The following TMTC2 variants were observed in gnomAD, a reference collection of about 807,000 sequenced individuals.
TMTC2 encodes protein O-mannosyl-transferase TMTC2.
In TMTC2, 43 loss-of-function variants were observed where a neutral mutation model predicts 82.4. The ratio of observed to expected loss-of-function variants is 0.52; its 90% CI spans 0.41 to 0.67. The LOEUF is 0.67. TMTC2 is among the 30% of genes least tolerant of loss of function. The pLI is 0.00. For synonymous variants in TMTC2, 408 were observed against 381.9 expected, an observed-to-expected ratio of 1.07 and a Z score of -0.80; for missense variants, 919 against 1,012.4, an observed-to-expected ratio of 0.91 and a Z score of 1.25.
At chr12:83,103,494 G>A (rs1229392639) in intron 11 of TMTC2, among the ~76,000 whole-genome samples, 1 of 152,126 alleles carries the variant, frequency 6.6e-6, no homozygotes, top group Non-Finnish European at 1.5e-5. Flanking sequence ...AGGAGAGAGT[G>A]AGAGTGAGGG....
At chr12:82,954,156 AGCCTGTTATTATT>A (rs1284977759) in intron 4 of TMTC2, among the ~76,000 whole-genome samples, 33 of 152,234 alleles carry the variant, frequency 2.2e-4, no homozygotes, top group African/African-American at 7.9e-4. Flanking sequence ...ATTTTCATGA[AGCCTGTTATTATT>A]GCTATTGTTA....
rs148026755 is a variant in TMTC2, at chr12:82,882,424, G to A, written c.655-13394G>A. 3.0e-3 allele frequency among the ~76,000 whole-genome samples: 463 copies of A among 152,286 alleles called. 4 individuals carry two copies. The highest frequency in any genetic ancestry group is 0.011 in the African/African-American group (442 of 41,574). On this transcript the variant is annotated intron_variant, in intron 2 of 11. Transcript: ENST00000321196. ...GTACCAAGAAAGATTTGGGATTAGA[G>A]TTGTTTTTTCTATAATTCTACTAAC...
chr12:82,890,297 C>A (rs1616906), intron 2 of TMTC2, among the ~76,000 whole-genome samples: 18,692 of 151,722 alleles, frequency 0.12, 2,350 homozygotes, highest in African/African-American at 0.32. Context: ...ATATTTAAGA[C>A]ATTTTTTCTC....
chr12:83,090,901 C>T (rs1316901871), intron 11 of TMTC2, among the ~76,000 whole-genome samples: 2 of 152,158 alleles, frequency 1.3e-5, no homozygotes, highest in Admixed American at 1.3e-4. Context: ...AGCCCGGGGC[C>T]TTAACATACT....
chr12:82,897,952 T>C (rs1208995725), intron 3 of TMTC2, among the ~76,000 whole-genome samples: 1 of 124,260 alleles, frequency 8.0e-6, no homozygotes, highest in African/African-American at 3.9e-5. Flanking sequence ...GAAAATGGCC[T>C]GCTAATAGGT....
chr12:83,003,546 A>G (rs1339668269), intron 8 of TMTC2, among the ~76,000 whole-genome samples: 1 of 152,166 alleles, frequency 6.6e-6, no homozygotes, highest in Non-Finnish European at 1.5e-5. Context: ...TTATGGCAAC[A>G]GGTATTGTTC....
chr12:82,815,004 A>T (rs950176260), intron 1 of TMTC2, among the ~76,000 whole-genome samples: 2 of 152,114 alleles, frequency 1.3e-5, no homozygotes, highest in Non-Finnish European at 2.9e-5. Context: ...GGTGTAAACC[A>T]TATGACATCA....
At chr12:83,030,933 A>T in intron 9 of TMTC2, 54 bp downstream of exon 9, 1 of 1,315,102 alleles carries the variant, frequency 7.6e-7, no homozygotes, top group Non-Finnish European at 1.1e-6. Flanking sequence ...ATTAATGTTG[A>T]TATGAGATCT....
intron 1 of TMTC2, among the ~76,000 whole-genome samples, chr12:82,765,708 A>G (rs572792815): frequency 6.8e-6 from 1 of 147,526 alleles, no homozygotes; most frequent in South Asian, 2.1e-4. Flanking sequence ...AAAACAAACA[A>G]ACAAACAAAA....
intron 7 of TMTC2, among the ~76,000 whole-genome samples, chr12:82,985,294 C>T (rs959989303): frequency 3.9e-5 from 6 of 152,070 alleles, no homozygotes; most frequent in Non-Finnish European, 7.4e-5. Context: ...TCAAGCTATC[C>T]GCCTGCCTTG....
At chr12:83,013,708 C>T (rs1229630966) in intron 8 of TMTC2, among the ~76,000 whole-genome samples, 1 of 152,280 alleles carries the variant, frequency 6.6e-6, no homozygotes, top group Non-Finnish European at 1.5e-5. Flanking sequence ...AATTTTGCTT[C>T]TGTGAAATAG....
At chr12:83,112,268 C>T (rs939420545) in intron 11 of TMTC2, among the ~76,000 whole-genome samples, 1 of 152,160 alleles carries the variant, frequency 6.6e-6, no homozygotes, top group Non-Finnish European at 1.5e-5. Flanking sequence ...TCCCCTCCCT[C>T]GTGGACAGGT....
chr12:82,869,281 AATTT>A (rs1252648959), intron 2 of TMTC2, among the ~76,000 whole-genome samples: 1 of 152,158 alleles, frequency 6.6e-6, no homozygotes, highest in African/African-American at 2.4e-5. Flanking sequence ...ACCGAATAAG[AATTT>A]TTTGGTCTAC....
At chr12:83,032,276 T>G (rs1314791148) in intron 9 of TMTC2, among the ~76,000 whole-genome samples, 7 of 111,006 alleles carry the variant, frequency 6.3e-5, no homozygotes, top group African/African-American at 2.2e-4. Context: ...TATATATATA[T>G]ATATATATAT....
chr12:83,053,528 C>T (rs1882429488), intron 10 of TMTC2, among the ~76,000 whole-genome samples: 1 of 151,938 alleles, frequency 6.6e-6, no homozygotes, highest in African/African-American at 2.4e-5. Context: ...GGGAGCTGCT[C>T]ATTACAAATG....
chr12:82,690,768 A>T (rs1311667666), intron 1 of TMTC2, among the ~76,000 whole-genome samples: 1 of 152,154 alleles, frequency 6.6e-6, no homozygotes, highest in Non-Finnish European at 1.5e-5. Context: ...TGAAATTAAC[A>T]ATATGCAGTC....
chr12:83,070,713 G>T (rs1883078317), intron 11 of TMTC2, among the ~76,000 whole-genome samples: 1 of 152,096 alleles, frequency 6.6e-6, no homozygotes, highest in African/African-American at 2.4e-5. Flanking sequence ...TTATGGCTAG[G>T]ACTTCCAGTA....
At chr12:82,982,659 A>G (rs1290658838) in intron 7 of TMTC2, among the ~76,000 whole-genome samples, 4 of 152,118 alleles carry the variant, frequency 2.6e-5, no homozygotes, top group South Asian at 2.1e-4. Flanking sequence ...TCTTAATTCA[A>G]TAGATAAGCC....
At chr12:82,702,444 A>G (rs1483444777) in intron 1 of TMTC2, among the ~76,000 whole-genome samples, 4 of 152,304 alleles carry the variant, frequency 2.6e-5, no homozygotes, top group African/African-American at 9.6e-5. Context: ...TTTACCCCGT[A>G]TCTTAATAAA....
Sources: allele counts gnomAD v4.1 joint callset (sites outside exome capture counted in the v4.1 genomes callset), GRCh38; gene constraint gnomAD v4.1.1; transcripts MANE v1.5; gene names NCBI Gene and HGNC (gene_info 2026-07-23, HGNC 2026-07-21).